Variants in CACHD1 observed in about 807,000 individuals in gnomAD.
CACHD1 encodes the protein VWFA and cache domain-containing protein 1.
Under a neutral mutation model 138.7 loss-of-function variants are expected in CACHD1, and 71 were observed. The ratio of observed to expected loss-of-function variants is 0.51; its 90% CI spans 0.42 to 0.62. CACHD1 has a LOEUF of 0.62. Among genes scored for constraint, CACHD1 ranks in the 20% least tolerant of loss-of-function variants. The pLI is 0.00. For synonymous variants in CACHD1, 578 were observed against 591.5 expected, an observed-to-expected ratio of 0.98 and a Z score of 0.33; for missense variants, 1,389 against 1,625.3, an observed-to-expected ratio of 0.85 and a Z score of 2.50.
intron 2 of CACHD1, among the ~76,000 whole-genome samples, chr1:64,563,445 A>C (rs1027527211): frequency 3.9e-5 from 6 of 152,208 alleles, no homozygotes; most frequent in Admixed American, 3.9e-4. Context: ...TGAAAGCAAG[A>C]TATACTTCCA....
chr1:64,590,961 T>G (rs1468902787), intron 3 of CACHD1, among the ~76,000 whole-genome samples: 1 of 152,226 alleles, frequency 6.6e-6, no homozygotes, highest in Non-Finnish European at 1.5e-5. Context: ...GAACTATATT[T>G]CAGAGACTCT....
At chr1:64,566,211 G>A (rs1646879195) in intron 2 of CACHD1, among the ~76,000 whole-genome samples, 1 of 152,138 alleles carries the variant, frequency 6.6e-6, no homozygotes, top group Admixed American at 6.5e-5. Flanking sequence ...TAGAATAGAA[G>A]CTCCGTGAGG....
Position 64,681,331 on chromosome 1 carries a change from C to T in CACHD1, c.3480C>T (p.Gly1160=), listed in dbSNP as rs1650168771. The part of the protein sequence containing the change: ...ERDDDSHEDR[G]IISNTRFIAA... ...ACGACGACAGCCACGAAGACAGAGG[C>T]ATCAGTGAGTATTCAGCTGCCTTGC... is the stretch of plus-strand genomic sequence containing the variant. Residue 1160 remains glycine, a synonymous_variant, in exon 25 of 27, where the codon GGC becomes GGT. Coordinates refer to ENST00000651257, the MANE Select transcript of CACHD1 (RefSeq NM_020925.4). The T allele has an allele frequency of 4.3e-6, 7 of 1,612,680 alleles. No homozygotes were observed. The Admixed American group carries it at 5.0e-5, about 12-fold the overall frequency.
intron 25 of CACHD1, 112 bp downstream of exon 25, chr1:64,681,447 G>C: frequency 1.3e-6 from 1 of 755,590 alleles, no homozygotes; most frequent in South Asian, 2.3e-5. Context: ...GCTTTGACAC[G>C]GTGGCTGGGT....
intron 4 of CACHD1, 107 bp downstream of exon 4, chr1:64,603,019 T>C (rs1256311338): frequency 4.5e-6 from 3 of 660,974 alleles, no homozygotes; most frequent in Non-Finnish European, 7.9e-6. Flanking sequence ...AGAAGTATTA[T>C]ATACTTAAGA....
chr1:64,542,700 A>C (rs1396889291), intron 1 of CACHD1, among the ~76,000 whole-genome samples: 1 of 152,154 alleles, frequency 6.6e-6, no homozygotes. Flanking sequence ...GTGTTACGTA[A>C]GTTTTCTCTA....
intron 12 of CACHD1, among the ~76,000 whole-genome samples, chr1:64,655,459 G>A (rs1174316120): frequency 6.6e-6 from 1 of 151,988 alleles, no homozygotes; most frequent in Non-Finnish European, 1.5e-5. Flanking sequence ...GTTTTTTTCA[G>A]TTCAACTCAG....
chr1:64,672,378 T>C (rs1452959005), intron 17 of CACHD1, among the ~76,000 whole-genome samples: 2 of 152,260 alleles, frequency 1.3e-5, no homozygotes, highest in Non-Finnish European at 2.9e-5. Context: ...AGATCAAATA[T>C]AGTAGTCCCC....
chr1:64,690,232 A>G (rs566781664), intron 26 of CACHD1, among the ~76,000 whole-genome samples: 7 of 152,322 alleles, frequency 4.6e-5, no homozygotes, highest in South Asian at 2.1e-4. Context: ...AAATAATTCT[A>G]TCATTTGAGT....
chr1:64,543,793 G>A (rs1646696659), intron 1 of CACHD1, among the ~76,000 whole-genome samples: 1 of 150,786 alleles, frequency 6.6e-6, no homozygotes, highest in South Asian at 2.1e-4. Context: ...GTATACTTAG[G>A]GAAGAATACA....
At chr1:64,532,774 G>A (rs6702035) in intron 1 of CACHD1, among the ~76,000 whole-genome samples, 7,195 of 152,168 alleles carry the variant, frequency 0.047, 275 homozygotes, top group Admixed American at 0.13. Flanking sequence ...CTTGGAGTCA[G>A]ACATATCTGA....
intron 3 of CACHD1, among the ~76,000 whole-genome samples, chr1:64,602,316 C>A (rs1351660971): frequency 6.6e-6 from 1 of 152,108 alleles, no homozygotes; most frequent in African/African-American, 2.4e-5. Flanking sequence ...AATAATCTTT[C>A]TAATAGTGAC....
intron 1 of CACHD1, among the ~76,000 whole-genome samples, chr1:64,530,040 T>C (rs1646570031): frequency 6.6e-6 from 1 of 152,230 alleles, no homozygotes; most frequent in Non-Finnish European, 1.5e-5. Flanking sequence ...ATTTAGTGTT[T>C]ACTGAAGTAG....
intron 4 of CACHD1, among the ~76,000 whole-genome samples, chr1:64,626,592 A>G (rs1648109971): frequency 6.6e-6 from 1 of 152,208 alleles, no homozygotes; most frequent in Non-Finnish European, 1.5e-5. Context: ...TTGCTAATTG[A>G]GCACTCTCTG....
In CACHD1 at chr1:64,664,534, G is replaced by T; in HGVS notation, c.2131G>T (p.Val711Phe). ...AAATGAAGTAATGGCTACCAGCCAC[G>T]TCACAGATGAATGGATGACACAAAT... Reference protein sequence around the residue: ...VRNEVMATSHVTDEWMTQMEM... With the variant: ...VRNEVMATSHFTDEWMTQMEM... The change falls in exon 15 of 27, where the codon GTC becomes TTC. Residue 711 changes from valine (V) to phenylalanine (F), a missense_variant. Physicochemically the swap from Val to Phe is conservative, Grantham distance 50. This residue lies in a region of CACHD1 where 1,000 missense variants were observed against 1,114.7 expected (regional missense o/e 0.90). Coordinates refer to ENST00000651257, the MANE Select transcript of CACHD1 (RefSeq NM_020925.4). The T allele has an allele frequency of 6.2e-7, 1 of 1,614,146 alleles. No homozygotes were observed. The highest frequency in any genetic ancestry group is 8.5e-7 in the Non-Finnish European group (1 of 1,180,020).
intron 4 of CACHD1, among the ~76,000 whole-genome samples, chr1:64,622,864 T>C (rs910529352): frequency 2.0e-5 from 3 of 152,216 alleles, no homozygotes; most frequent in African/African-American, 7.2e-5. Flanking sequence ...TGAAGTATAA[T>C]TGACATCCAA....
Position 64,626,286 on chromosome 1 carries a change from C to A in CACHD1, c.518-3069C>A, listed in dbSNP as rs576316174. On this transcript the variant is annotated intron_variant, in intron 4 of 26. Transcript: ENST00000651257. ...GACGAAACTGGCATTTTAACGCCAA[C>A]CACAAATTTTAATGGCTGTCACATG... 1.8e-4 allele frequency among the ~76,000 whole-genome samples: 27 copies of A among 152,240 alleles called. No homozygotes were observed. The South Asian group carries it at 5.2e-3, about 29-fold the overall frequency.
At chr1:64,619,311 C>A (rs1039079345) in intron 4 of CACHD1, among the ~76,000 whole-genome samples, 2 of 152,110 alleles carry the variant, frequency 1.3e-5, no homozygotes, top group African/African-American at 2.4e-5. Flanking sequence ...CATATTTTTT[C>A]AGCTGCGTAT....
At chr1:64,608,310 G>A (rs1647403749) in intron 4 of CACHD1, among the ~76,000 whole-genome samples, 1 of 152,164 alleles carries the variant, frequency 6.6e-6, no homozygotes, top group Admixed American at 6.5e-5. Context: ...GGTGAAAGGT[G>A]ACCTCAGAGT....
Sources: gnomAD v4.1 joint callset for allele counts (sites outside exome capture counted in the v4.1 genomes callset) on GRCh38, gnomAD v4.1.1 for gene constraint, gnomAD v4.1.1 regional missense constraint, MANE v1.5 for transcripts, NCBI Gene and HGNC (gene_info 2026-07-23, HGNC 2026-07-21) for gene names.